DMD: variants seen among roughly 807,000 people sequenced by gnomAD.
The protein encoded by DMD is dystrophin, also known as mutant dystrophin.
In DMD, 63 loss-of-function variants were observed where a neutral mutation model predicts 330.1. The observed-to-expected ratio is 0.19, with a 90% confidence interval of 0.16 to 0.24. DMD has a LOEUF of 0.24. Ranked by LOEUF, DMD falls within the 10% of genes least tolerant of loss-of-function variation. DMD has a pLI of 1.00. For missense variants in DMD, 3,344 were observed against 2,684.1 expected, an observed-to-expected ratio of 1.25 and a Z score of -5.43; for synonymous variants, 1,223 against 959.8, an observed-to-expected ratio of 1.27 and a Z score of -5.07.
rs1454593991 is a variant in DMD, at chrX:32,228,844, A to G, written c.6291-11781T>C. Among the ~76,000 whole-genome samples, 3 of 111,806 alleles carry G rather than the reference A, an allele frequency of 2.7e-5. No individual in the cohort carries two copies. In the Admixed American group the frequency reaches 2.9e-4, roughly 11 times the overall value. On this transcript the variant is annotated intron_variant, in intron 43 of 78. Transcript: ENST00000357033. ...AACACAAAACATATATAATAGGTGT[A>G]GGAACTTTTACCCAGAAATAGGAGC...
chrX:32,829,684 T>C (rs1365208410), intron 4 of DMD, among the ~76,000 whole-genome samples: 1 of 111,935 alleles, frequency 8.9e-6, no homozygotes, highest in Admixed American at 9.5e-5. Context: ...CTTATGGCTA[T>C]ACAGTTCTCT....
rs186741552 is a variant in DMD, at chrX:31,545,145, A to G, written c.8218-37692T>C. Among the ~76,000 whole-genome samples the G allele has an allele frequency of 2.8e-4, 31 of 111,955 alleles. No individual in the cohort carries two copies. In the East Asian group the frequency reaches 8.4e-3, roughly 30 times the overall value. ...TTGTAAAATATCGTTGTTCCATGGA[A>G]TCAAATTCAAGACCAAGGTCAAAAG... On this transcript the variant is annotated intron_variant, in intron 55 of 78. Transcript: ENST00000357033.
chrX:33,139,560 A>G (rs1037606160), intron 1 of DMD, among the ~76,000 whole-genome samples: 6 of 110,326 alleles, frequency 5.4e-5, no homozygotes, highest in Non-Finnish European at 9.5e-5. Context: ...GTGGTTTATC[A>G]TCATCCCATT....
At chrX:32,880,235 A>AAT (rs762570747) in intron 2 of DMD, among the ~76,000 whole-genome samples, 3 of 84,929 alleles carry the variant, frequency 3.5e-5, no homozygotes, top group African/African-American at 1.3e-4. Flanking sequence ...ACTCCTCAGC[A>AAT]TTTTTTTTTT....
At chrX:32,076,474 G>T (rs188155935) in intron 44 of DMD, among the ~76,000 whole-genome samples, 2,136 of 107,219 alleles carry the variant, frequency 0.02, 65 homozygotes, top group African/African-American at 0.068. Flanking sequence ...CCACCTCCCG[G>T]GTTCACACCA....
At chrX:32,556,024 T>A (rs559173405) in intron 16 of DMD, among the ~76,000 whole-genome samples, 16 of 111,151 alleles carry the variant, frequency 1.4e-4, no homozygotes, top group South Asian at 1.1e-3. Flanking sequence ...ACCGTCAGAG[T>A]AAATAAACAG....
At chrX:31,214,603 G>C (rs2045135156) in intron 64 of DMD, among the ~76,000 whole-genome samples, 1 of 112,195 alleles carries the variant, frequency 8.9e-6, no homozygotes. Flanking sequence ...AGTGTCAGTT[G>C]TTTAGCCTCA....
At chrX:33,303,578 G>C (rs904223723) in intron 1 of DMD, among the ~76,000 whole-genome samples, 18 of 111,543 alleles carry the variant, frequency 1.6e-4, no homozygotes, top group African/African-American at 5.5e-4. Context: ...TAATCCCCCT[G>C]TGTGGTGGGA....
chrX:32,347,201 C>T lies in DMD; in HGVS notation c.5449-1121G>A, dbSNP rs752910005. Reference sequence around the variant, plus strand: ...CATTATATACTTATCATAATATAGACACATCATATACTTATAGTCTGTAAA... The same window carrying T: ...CATTATATACTTATCATAATATAGATACATCATATACTTATAGTCTGTAAA... On this transcript the variant is annotated intron_variant, in intron 38 of 78. Coordinates refer to ENST00000357033, the MANE Select transcript of DMD (RefSeq NM_004006.3). Among the ~76,000 whole-genome samples the T allele has an allele frequency of 8.1e-5, 9 of 111,338 alleles. No individual in the cohort carries two copies. In the South Asian group the frequency reaches 3.4e-3, roughly 42 times the overall value.
chrX:32,597,709 T>C (rs1288447133), intron 12 of DMD, among the ~76,000 whole-genome samples: 1 of 111,817 alleles, frequency 8.9e-6, no homozygotes, highest in Admixed American at 9.5e-5. Context: ...TATTTTGTAA[T>C]GATGAACAGG....
intron 59 of DMD, among the ~76,000 whole-genome samples, chrX:31,447,924 T>C (rs1287808573): frequency 9.4e-6 from 1 of 106,015 alleles, no homozygotes; most frequent in Non-Finnish European, 1.9e-5. Flanking sequence ...TGAGAAGCGC[T>C]TGAACCTGGG....
intron 62 of DMD, 107 bp from the exon 63 acceptor site, chrX:31,261,123 C>G: frequency 2.9e-6 from 2 of 699,928 alleles, no homozygotes; most frequent in Admixed American, 5.3e-5. Flanking sequence ...GCTTTTGAAC[C>G]ATTCGGAATC....
chrX:31,694,137 C>A lies in DMD; in HGVS notation c.7661-14551G>T, dbSNP rs776993861. 2.7e-5 allele frequency among the ~76,000 whole-genome samples: 3 copies of A among 111,079 alleles called. No homozygotes were observed. The East Asian group carries it at 8.5e-4, about 31-fold the overall frequency. On this transcript the variant is annotated intron_variant, in intron 52 of 78. Transcript: ENST00000357033. Reference sequence around the variant, plus strand: ...ATCAATTGATTTTTGACAAAGGTAGCAAGAACACACAATAGGGAGAGGACA... The same window carrying A: ...ATCAATTGATTTTTGACAAAGGTAGAAAGAACACACAATAGGGAGAGGACA...
Position 33,009,132 on chromosome X carries a change from GTA to G in DMD, c.93+11005_93+11006del, listed in dbSNP as rs770286598. Among the ~76,000 whole-genome samples, 113 of 31,516 alleles carry G rather than the reference GTA, an allele frequency of 3.6e-3. 29 individuals are homozygous for G. Among genetic ancestry groups the G allele is most frequent in the African/African-American group, 0.012 (93 of 8,063 alleles). 27.4% of individuals were successfully genotyped at this position (31,516 alleles called of 115,157 possible). Reference sequence around the variant, plus strand: ...TATATGTGTATATATACGTATATATGTATATATATGTGTATATATACGTATAT... The same window carrying G: ...TATATGTGTATATATACGTATATATGTATATATGTGTATATATACGTATAT... On this transcript the variant is annotated intron_variant, in intron 2 of 78. Transcript: ENST00000357033.
intron 13 of DMD, among the ~76,000 whole-genome samples, chrX:32,594,162 C>G (rs1202834281): frequency 4.5e-5 from 5 of 111,774 alleles, no homozygotes; most frequent in African/African-American, 1.3e-4. Context: ...CAGATATATC[C>G]TATTGGAAGT....
chrX:32,715,636 C>A (rs1486127412), intron 7 of DMD, among the ~76,000 whole-genome samples: 5 of 108,955 alleles, frequency 4.6e-5, no homozygotes, highest in African/African-American at 1.0e-4. Flanking sequence ...CCCATCTCTA[C>A]TAAAAATGCA....
intron 43 of DMD, among the ~76,000 whole-genome samples, chrX:32,255,013 C>T (rs1419833293): frequency 8.9e-6 from 1 of 111,872 alleles, no homozygotes; most frequent in African/African-American, 3.2e-5. Context: ...CCTACCCCTC[C>T]CTGGTCCCTG....
At chrX:31,590,014 T>C (rs1019418833) in intron 55 of DMD, among the ~76,000 whole-genome samples, 3 of 111,478 alleles carry the variant, frequency 2.7e-5, no homozygotes, top group Non-Finnish European at 5.7e-5. Context: ...ATTCTTCCAG[T>C]GGGAAGTAAA....
chrX:31,374,002 G>C (rs1274635313), intron 60 of DMD, among the ~76,000 whole-genome samples: 2 of 106,675 alleles, frequency 1.9e-5, no homozygotes, highest in Non-Finnish European at 3.9e-5. Context: ...CCATCAAAAA[G>C]TGGGCGAAGG....
Sources: gnomAD v4.1 joint callset for allele counts (sites outside exome capture counted in the v4.1 genomes callset) on GRCh38, gnomAD v4.1.1 for gene constraint, MANE v1.5 for transcripts, NCBI Gene and HGNC (gene_info 2026-07-23, HGNC 2026-07-21) for gene names.